The following RD3L variants were observed in gnomAD, a reference collection of about 807,000 sequenced individuals.
RD3L encodes the protein RD3 like, also known as protein RD3-like.
A neutral mutation model predicts 12.5 loss-of-function variants in RD3L; 6 were observed. The ratio of observed to expected loss-of-function variants is 0.48; its 90% confidence interval spans 0.26 to 0.95. RD3L has a LOEUF of 0.95. Ranked by LOEUF, RD3L falls within the 40% of genes least tolerant of loss-of-function variation. The probability of loss-of-function intolerance (pLI) is 0.14; values close to 1 mark genes in which losing one functional copy is unlikely to be tolerated. For missense variants in RD3L, 234 were observed against 228.6 expected (o/e 1.02, Z -0.15); for synonymous variants, 87 against 79.3 (o/e 1.10, Z -0.52).
rs2031277653 is a variant in RD3L at position 103,942,176 on chromosome 14, G to C, written c.-92C>G. 6.2e-6 allele frequency: 1 copy of C among 160,456 alleles called. No homozygotes were observed. Among genetic ancestry groups the C allele is most frequent in the Admixed American group, 6.2e-5 (1 of 16,054 alleles). The allele number at this position is 160,456 out of a possible 1,614,324, so 9.9% of individuals were successfully genotyped here. ...GCTGTGTTTCACTGGGACGTATCTT[G>C]CTCTCCTAGGTGTGTCCTCTGTAGA... On this transcript the variant is annotated 5_prime_UTR_variant, in exon 1 of 3. Coordinates refer to ENST00000557640, the MANE Select transcript of RD3L (RefSeq NM_001257268.2).
In RD3L at chr14:103,942,234, T is replaced by C. The variant is rs1285537245; in HGVS notation, c.-150A>G. 6.6e-6 allele frequency: 1 copy of C among 152,616 alleles called. No homozygotes were observed. The highest frequency in any genetic ancestry group is 2.4e-5 in the African/African-American group (1 of 41,460). 9.5% of individuals were successfully genotyped at this position (152,616 alleles called of 1,614,324 possible). A position where few individuals can be genotyped will look rare whatever the true frequency, so the allele number is the denominator to read the frequency against. The stretch of plus-strand genomic sequence containing the variant: ...CGCCACCTTATTTACCCACCGAAAC[T>C]GTATTTGAAATAAATAACTTTCTGT... On this transcript the variant is annotated 5_prime_UTR_variant, in exon 1 of 3. Transcript: ENST00000557640.
chr14:103,941,027 A>G lies in RD3L; in HGVS notation c.376T>C (p.Phe126Leu), dbSNP rs1451437904. The G allele has an allele frequency of 2.0e-6, 3 of 1,535,360 alleles. No individual in the cohort carries two copies. The highest frequency in any genetic ancestry group is 1.4e-5 in the African/African-American group (1 of 73,154). The change falls in exon 3 of 3, where the codon TTC (phenylalanine) becomes CTC (leucine). Residue 126 changes from phenylalanine to leucine, a missense_variant. Physicochemically the swap from Phe to Leu is conservative, Grantham distance 22. Transcript: ENST00000557640. ...VYIFKQVLKD[F>L]LSSSDRGSEQ... The stretch of plus-strand genomic sequence containing the variant: ...CTCCCTCTGTCAGAGCTGCTTAGGA[A>G]GTCTTTCAGAACTTGCTTGAAGATG...
chr14:103,941,300 A>G (rs941560271), intron 2 of RD3L, 97 bp downstream of exon 2: 2 of 1,032,390 alleles, frequency 1.9e-6, no homozygotes, highest in African/African-American at 3.2e-5. Context: ...CTACACAGTT[A>G]AAGAATTTAC....
Position 103,941,378 on chromosome 14 carries a change from G to A in RD3L, c.299+19C>T, listed in dbSNP as rs1213776760. 35 of 1,511,386 alleles carry A rather than the reference G, an allele frequency of 2.3e-5. No individual in the cohort carries two copies. The highest frequency in any genetic ancestry group is 1.7e-4 in the Middle Eastern group (1 of 5,746). The allele number at this position is 1,511,386 out of a possible 1,614,324, so 93.6% of individuals were successfully genotyped here. A position where few individuals can be genotyped will look rare whatever the true frequency, so the allele number is the denominator to read the frequency against. On this transcript the variant is annotated intron_variant, in intron 2 of 2. Transcript: ENST00000557640. ...GACTTAGCAGTAGCAGGAATCATAA[G>A]AGAACATAGTATTTTTACCTGCTGA...
Position 103,940,991 on chromosome 14 carries a change from C to A in RD3L, c.412G>T (p.Asp138Tyr). ...SSSDRGSEQE[D>Y]LEDSGSMDCS... is the part of the protein sequence containing the mutation. ...TCCATGCTCCCTGAGTCCTCCAGGT[C>A]CTCTTGCTCACTCCCTCTGTCAGAG... Residue 138 changes from aspartate to tyrosine, a missense_variant, in exon 3 of 3, where the codon GAC becomes TAC. Physicochemically the swap from Asp to Tyr is radical, Grantham distance 160. Coordinates refer to ENST00000557640, the MANE Select transcript of RD3L (RefSeq NM_001257268.2). 1 of 1,535,402 alleles carries A rather than the reference C, an allele frequency of 6.5e-7. No individual in the cohort carries two copies. The highest frequency in any genetic ancestry group is 8.7e-7 in the Non-Finnish European group (1 of 1,146,694).
At position 103,940,974 on chromosome 14, in the gene RD3L, C is replaced by G. The variant is rs1377612847; in HGVS notation, c.429G>C (p.Gly143=). 3 of 1,535,442 alleles carry G rather than the reference C, an allele frequency of 2.0e-6. No individual in the cohort carries two copies. Among genetic ancestry groups the G allele is most frequent in the Non-Finnish European group, 2.6e-6 (3 of 1,146,732 alleles). The part of the protein sequence containing the change: ...GSEQEDLEDS[G]SMDCSAPSVI... ...CAGAAGGAGCAGAGCAGTCCATGCT[C>G]CCTGAGTCCTCCAGGTCCTCTTGCT... Residue 143 remains glycine (G), a synonymous_variant, in exon 3 of 3, where the codon GGG becomes GGC. Transcript: ENST00000557640.
At chr14:103,941,354 A>T in intron 2 of RD3L, 43 bp downstream of exon 2, 1 of 1,398,452 alleles carries the variant, frequency 7.2e-7, no homozygotes, top group Non-Finnish European at 9.6e-7. Context: ...AGGAACTTGG[A>T]CTTAGCAGTA....
chr14:103,940,766 T>C lies in RD3L; in HGVS notation c.*40A>G, dbSNP rs947461922. The C allele has an allele frequency of 4.5e-6, 6 of 1,345,704 alleles. No homozygotes were observed. In the East Asian group the frequency reaches 1.3e-4, roughly 28 times the overall value. 83.4% of individuals were successfully genotyped at this position (1,345,704 alleles called of 1,614,324 possible). A position where few individuals can be genotyped will look rare whatever the true frequency, so the allele number is the denominator to read the frequency against. On this transcript the variant is annotated 3_prime_UTR_variant, in exon 3 of 3. Coordinates refer to ENST00000557640, the MANE Select transcript of RD3L (RefSeq NM_001257268.2). ...TTTTTCTTATTCTTAATATTAGGAGTTCTAAGGTGTTCATAAAAACCCCTC... is the reference window on the plus strand; with the variant it reads ...TTTTTCTTATTCTTAATATTAGGAGCTCTAAGGTGTTCATAAAAACCCCTC...
At chr14:103,941,358 A>C in intron 2 of RD3L, 39 bp downstream of exon 2, 1 of 1,426,878 alleles carries the variant, frequency 7.0e-7, no homozygotes, top group Non-Finnish European at 9.4e-7. Context: ...ACTTGGACTT[A>C]GCAGTAGCAG....
intron 2 of RD3L, 38 bp from the exon 3 acceptor site, chr14:103,941,141 A>AT: frequency 1.4e-6 from 2 of 1,443,184 alleles, no homozygotes; most frequent in Non-Finnish European, 1.9e-6. Context: ...AGTTTAGAAC[A>AT]TTTTTTGTTA....
Sources: gnomAD v4.1 joint callset for allele counts on GRCh38, gnomAD v4.1.1 for gene constraint, MANE v1.5 for transcripts, NCBI Gene and HGNC (gene_info 2026-07-23, HGNC 2026-07-21) for gene names.